MED27: variants seen among roughly 807,000 people sequenced by gnomAD.
MED27 encodes the protein mediator of RNA polymerase II transcription subunit 27.
Under a neutral mutation model 38.2 loss-of-function variants are expected in MED27, and 30 were observed. The observed-to-expected ratio is 0.79, with a 90% CI of 0.59 to 1.07. The LOEUF is 1.07. Ranked by LOEUF, MED27 falls within the 50% of genes least tolerant of loss-of-function variation. The pLI, the probability that MED27 is intolerant of heterozygous loss-of-function variation, is 0.00. For synonymous variants in MED27, 122 were observed against 153.5 expected, an observed-to-expected ratio of 0.79 and a Z score of 1.52; for missense variants, 289 against 397.5, an observed-to-expected ratio of 0.73 and a Z score of 2.32.
intron 3 of MED27, among the ~76,000 whole-genome samples, chr9:131,976,989 G>A (rs1831623354): frequency 6.6e-6 from 1 of 152,160 alleles, no homozygotes; most frequent in Admixed American, 6.5e-5. Flanking sequence ...AACAGGAAAA[G>A]CACTAATTGG....
At chr9:132,041,676 C>G (rs1285952853) in intron 2 of MED27, among the ~76,000 whole-genome samples, 1 of 152,174 alleles carries the variant, frequency 6.6e-6, no homozygotes, top group Non-Finnish European at 1.5e-5. Context: ...AAAGAGATTA[C>G]TTTTTAAATT....
intron 4 of MED27, among the ~76,000 whole-genome samples, chr9:131,903,271 G>C (rs923600545): frequency 6.6e-6 from 1 of 152,194 alleles, no homozygotes; most frequent in African/African-American, 2.4e-5. Flanking sequence ...CTTGTGCAGA[G>C]AACACCCATT....
chr9:132,063,118 T>C (rs1833735534), intron 2 of MED27, among the ~76,000 whole-genome samples: 1 of 152,148 alleles, frequency 6.6e-6, no homozygotes, highest in South Asian at 2.1e-4. Context: ...ATTAGTATCA[T>C]CTGAGGAGAT....
rs1830221332 is a variant in MED27 at position 131,913,176 on chromosome 9, C to T, written c.574-19184G>A. 6.6e-6 allele frequency among the ~76,000 whole-genome samples: 1 copy of T among 152,198 alleles called. No homozygotes were observed. Among genetic ancestry groups the T allele is most frequent in the Non-Finnish European group, 1.5e-5 (1 of 68,040 alleles). ...CATTATTCTTTTAAAAAACTTCACTCATTTCAATACATTTCCCTTAGTCCC... is the reference window on the plus strand; with the variant it reads ...CATTATTCTTTTAAAAAACTTCACTTATTTCAATACATTTCCCTTAGTCCC... On this transcript the variant is annotated intron_variant, in intron 4 of 7. Transcript: ENST00000292035. This position sits in a 1 kb window ranked among gnomAD's most constrained non-coding sequence, Gnocchi z 4.5.
At chr9:131,953,241 G>C (rs1317323979) in intron 3 of MED27, among the ~76,000 whole-genome samples, 1 of 152,200 alleles carries the variant, frequency 6.6e-6, no homozygotes, top group African/African-American at 2.4e-5. Context: ...CTGGTTTTCT[G>C]CTGCCTCTCT....
chr9:131,965,626 C>T (rs1020771574), intron 3 of MED27, among the ~76,000 whole-genome samples: 9 of 152,160 alleles, frequency 5.9e-5, no homozygotes, highest in Admixed American at 1.3e-4. Flanking sequence ...TCAGAGCCAC[C>T]GGCTCTCTGG....
intron 4 of MED27, among the ~76,000 whole-genome samples, chr9:131,903,697 C>T (rs1209009351): frequency 6.6e-6 from 1 of 152,102 alleles, no homozygotes; most frequent in Non-Finnish European, 1.5e-5. Flanking sequence ...AGTAGGCACT[C>T]CCTGTATGGT....
At chr9:131,866,052 G>A (rs1484453294) in intron 6 of MED27, among the ~76,000 whole-genome samples, 1 of 152,162 alleles carries the variant, frequency 6.6e-6, no homozygotes, top group African/African-American at 2.4e-5. Flanking sequence ...CTCATCAGGG[G>A]CCCTGTGGCC....
At chr9:131,939,621 A>G (rs957525804) in intron 3 of MED27, 147 bp from the exon 4 acceptor site, 2 of 473,826 alleles carry the variant, frequency 4.2e-6, no homozygotes, top group African/African-American at 4.0e-5. Flanking sequence ...GAAACCTTTT[A>G]GTCTTTACCT....
chr9:132,038,350 C>A (rs964012761), intron 2 of MED27, among the ~76,000 whole-genome samples: 7 of 151,590 alleles, frequency 4.6e-5, no homozygotes, highest in Non-Finnish European at 1.0e-4. Context: ...CGCCACTACG[C>A]CCGGCTAATT....
At chr9:131,923,581 C>CT (rs1333881647) in intron 4 of MED27, among the ~76,000 whole-genome samples, 1 of 152,148 alleles carries the variant, frequency 6.6e-6, no homozygotes, top group Non-Finnish European at 1.5e-5. Flanking sequence ...TTGCATTCTT[C>CT]TTTTTTAAAA....
At chr9:132,070,454 G>C (rs1833912809) in intron 2 of MED27, among the ~76,000 whole-genome samples, 2 of 152,210 alleles carry the variant, frequency 1.3e-5, no homozygotes, top group African/African-American at 4.8e-5. Context: ...CTACTTGGGG[G>C]GCTGATGCAG....
intron 4 of MED27, among the ~76,000 whole-genome samples, chr9:131,915,172 C>T (rs1051608583): frequency 1.3e-5 from 2 of 152,036 alleles, no homozygotes; most frequent in Admixed American, 6.6e-5. Context: ...CTCCCAGACA[C>T]GTCAATGTTT....
At chr9:131,963,250 T>C (rs1318586216) in intron 3 of MED27, among the ~76,000 whole-genome samples, 3 of 152,164 alleles carry the variant, frequency 2.0e-5, no homozygotes, top group South Asian at 2.1e-4. Context: ...AGAGAGGAAA[T>C]GGAATTGTTC....
intron 4 of MED27, among the ~76,000 whole-genome samples, chr9:131,906,432 G>C (rs1306622819): frequency 7.5e-6 from 1 of 133,580 alleles, no homozygotes; most frequent in African/African-American, 2.8e-5. Flanking sequence ...GCAAAGGCCT[G>C]GCATCCTAGG....
chr9:132,071,142 C>G (rs965728595), intron 2 of MED27, among the ~76,000 whole-genome samples: 7 of 152,160 alleles, frequency 4.6e-5, no homozygotes, highest in African/African-American at 1.7e-4. Flanking sequence ...TAACACCTTT[C>G]TGAGGTGGGT....
intron 2 of MED27, among the ~76,000 whole-genome samples, chr9:132,039,754 C>T (rs549003704): frequency 5.3e-5 from 8 of 152,228 alleles, no homozygotes; most frequent in Admixed American, 1.3e-4. Flanking sequence ...ACCCCTTAAC[C>T]GCCACTGTGT....
chr9:132,027,515 C>A (rs1271127391), intron 2 of MED27, among the ~76,000 whole-genome samples: 1 of 152,264 alleles, frequency 6.6e-6, no homozygotes, highest in Non-Finnish European at 1.5e-5. Flanking sequence ...CACCCACTCA[C>A]TGCCTTCTGA....
At chr9:131,940,379 T>C (rs1830765077) in intron 3 of MED27, among the ~76,000 whole-genome samples, 1 of 152,212 alleles carries the variant, frequency 6.6e-6, no homozygotes, top group Non-Finnish European at 1.5e-5. Flanking sequence ...TATTTACTTA[T>C]ACAGCTTTCT....
Sources: allele counts gnomAD v4.1 joint callset (sites outside exome capture counted in the v4.1 genomes callset), GRCh38; gene constraint gnomAD v4.1.1; non-coding constraint Gnocchi (gnomAD v3.1); transcripts MANE v1.5; gene names NCBI Gene and HGNC (gene_info 2026-07-23, HGNC 2026-07-21).